The following ACAD11 variants were observed in gnomAD, a reference collection of about 807,000 sequenced individuals.
ACAD11 encodes acyl-CoA dehydrogenase family member 11, also known as acyl-Coenzyme A dehydrogenase family, member 11.
A neutral mutation model predicts 102.2 loss-of-function variants in ACAD11; 83 were observed. That is an observed-to-expected ratio of 0.81 (90% CI 0.68 to 0.97). The LOEUF is 0.97. Ranked by LOEUF, ACAD11 falls within the 50% of genes least tolerant of loss-of-function variation. The pLI is 0.00. For synonymous variants in ACAD11, 324 were observed against 319.8 expected, an observed-to-expected ratio of 1.01 and a Z score of -0.14; for missense variants, 901 against 951.7, an observed-to-expected ratio of 0.95 and a Z score of 0.70.
intron 16 of ACAD11, among the ~76,000 whole-genome samples, chr3:132,576,714 G>C (rs777058919): frequency 2.0e-5 from 3 of 152,066 alleles, no homozygotes; most frequent in Non-Finnish European, 4.4e-5. Context: ...GAGTAAACAA[G>C]AAGGGAAAGT....
chr3:132,642,234 G>T, intron 3 of ACAD11, 101 bp from the exon 4 acceptor site: 1 of 1,124,442 alleles, frequency 8.9e-7, no homozygotes, highest in Non-Finnish European at 1.3e-6. Flanking sequence ...TAATATTAGA[G>T]TATACATGCC....
chr3:132,577,377 A>G (rs1334711756), intron 15 of ACAD11, among the ~76,000 whole-genome samples: 5 of 152,184 alleles, frequency 3.3e-5, no homozygotes, highest in Non-Finnish European at 5.9e-5. Context: ...AACAATTTGC[A>G]TGGAAAAAAG....
intron 1 of ACAD11, among the ~76,000 whole-genome samples, chr3:132,651,532 A>G (rs1189058628): frequency 1.1e-4 from 16 of 152,182 alleles, no homozygotes; most frequent in Admixed American, 1.0e-3. Context: ...CCTAGTTTCT[A>G]AACATTTCTA....
intron 4 of ACAD11, 80 bp from the exon 5 acceptor site, chr3:132,639,736 T>G: frequency 7.3e-7 from 1 of 1,365,862 alleles, no homozygotes; most frequent in Non-Finnish European, 1.0e-6. Context: ...AAAACAAAAT[T>G]CAAATGCTGT....
chr3:132,616,765 T>A (rs185574167), intron 11 of ACAD11, among the ~76,000 whole-genome samples: 265 of 152,346 alleles, frequency 1.7e-3, no homozygotes, highest in African/African-American at 6.2e-3. Context: ...GTAATAGCCT[T>A]ACACAGTTGA....
At chr3:132,611,514 G>A (rs540928701) in intron 11 of ACAD11, among the ~76,000 whole-genome samples, 71 of 152,176 alleles carry the variant, frequency 4.7e-4, no homozygotes, top group South Asian at 2.5e-3. Context: ...CTGATAAGCC[G>A]CTTCAGCAAA....
At chr3:132,628,029 T>C (rs776428980) in intron 8 of ACAD11, among the ~76,000 whole-genome samples, 1 of 152,232 alleles carries the variant, frequency 6.6e-6, no homozygotes, top group South Asian at 2.1e-4. Flanking sequence ...TATAATGCAT[T>C]TTTAAAATTA....
In ACAD11 at chr3:132,579,548, A is replaced by G; in HGVS notation, c.1632T>C (p.Asn544=). The G allele has an allele frequency of 6.2e-7, 1 of 1,612,994 alleles. No homozygotes were observed. Among genetic ancestry groups the G allele is most frequent in the Non-Finnish European group, 8.5e-7 (1 of 1,179,262 alleles). The change falls in exon 14 of 20, where the codon AAT becomes AAC. Residue 544 remains asparagine, a synonymous_variant. Coordinates refer to ENST00000264990, the MANE Select transcript of ACAD11 (RefSeq NM_032169.5). The part of the protein sequence containing the change: ...GKKWWSSGAG[N]PKCKIAIVLG... ...AAACAATTGCAATTTTGCACTTGGG[A>G]TTCCCAGCTCCTAAAACCAAGGGGA... is the stretch of plus-strand genomic sequence containing the variant.
rs1940723140 is a variant in ACAD11, at chr3:132,646,497, C to T, written c.150-1601G>A. 3 of 152,174 alleles carry T rather than the reference C, an allele frequency of 2.0e-5. No homozygotes were observed. In the South Asian group the frequency reaches 6.2e-4, roughly 31 times the overall value. The allele number at this position is 152,174 out of a possible 1,614,324, so 9.4% of individuals were successfully genotyped here. On this transcript the variant is annotated intron_variant, in intron 1 of 19. Transcript: ENST00000264990. ...CTCTAGTCTTATATAAAGCACTGGT[C>T]TTTCATGATAGTAAATGACCCAAAT... is the stretch of plus-strand genomic sequence containing the variant.
chr3:132,584,203 T>C (rs995278070), intron 13 of ACAD11, among the ~76,000 whole-genome samples: 1 of 152,204 alleles, frequency 6.6e-6, no homozygotes, highest in Non-Finnish European at 1.5e-5. Context: ...TAAGTCTCTT[T>C]GTAGGTCTCT....
In ACAD11 at chr3:132,619,390, A is replaced by G. The variant is rs919951194; in HGVS notation, c.1275+78T>C. 2.5e-5 allele frequency: 23 copies of G among 910,692 alleles called. 1 individual carries two copies. In the Middle Eastern group the frequency reaches 9.0e-4, roughly 36 times the overall value. The allele number at this position is 910,692 out of a possible 1,614,324, so 56.4% of individuals were successfully genotyped here. ...ATAATTTTCTTCTACATATATAACA[A>G]TAGCAACAACAAAACTAAGGTCTAG... On this transcript the variant is annotated intron_variant, in intron 10 of 19. Coordinates refer to ENST00000264990, the MANE Select transcript of ACAD11 (RefSeq NM_032169.5).
intron 17 of ACAD11, among the ~76,000 whole-genome samples, chr3:132,564,161 GATT>G (rs1490669077): frequency 1.3e-5 from 2 of 152,102 alleles, no homozygotes; most frequent in African/African-American, 4.8e-5. Context: ...TATGCTGTAT[GATT>G]ATTTTTACAT....
intron 4 of ACAD11, among the ~76,000 whole-genome samples, chr3:132,641,243 T>C (rs1042216033): frequency 1.3e-5 from 2 of 151,952 alleles, no homozygotes; most frequent in African/African-American, 4.8e-5. Context: ...CTAGTCCAAT[T>C]GAGAAAGAAA....
chr3:132,643,136 C>T (rs973547920), intron 2 of ACAD11, among the ~76,000 whole-genome samples: 1 of 152,190 alleles, frequency 6.6e-6, no homozygotes, highest in African/African-American at 2.4e-5. Context: ...TTTTCCACAG[C>T]AGTTCCCTGG....
At position 132,605,225 on chromosome 3, in the gene ACAD11, A is replaced by T. The variant is rs1230235098; in HGVS notation, c.1415-20T>A. ...CTGTGTCTACACATAAAGAAGGAGT[A>T]TTTGTTTTGCATTTGAAAATTTATC... On this transcript the variant is annotated intron_variant, in intron 11 of 19. Transcript: ENST00000264990. 1 of 1,573,544 alleles carries T rather than the reference A, an allele frequency of 6.4e-7. No individual in the cohort carries two copies.
intron 4 of ACAD11, among the ~76,000 whole-genome samples, chr3:132,641,394 A>T (rs1018122211): frequency 1.3e-5 from 2 of 152,068 alleles, no homozygotes; most frequent in African/African-American, 4.8e-5. Flanking sequence ...ATACAAAAAA[A>T]TTAGCAGGGC....
At chr3:132,649,666 T>C (rs1940858505) in intron 1 of ACAD11, 1 of 152,242 alleles carries the variant, frequency 6.6e-6, no homozygotes, top group Non-Finnish European at 1.5e-5. Flanking sequence ...CTCCGTATGC[T>C]GAGCGCCGGT....
chr3:132,652,303 G>A (rs374703641), intron 1 of ACAD11, among the ~76,000 whole-genome samples: 11 of 151,996 alleles, frequency 7.2e-5, no homozygotes, highest in African/African-American at 2.4e-4. Context: ...CTTTTCCTTT[G>A]TCTTCTGCCA....
rs768857711 is a variant in ACAD11, at chr3:132,626,749, T to A, written c.1139A>T (p.Gln380Leu). ...GQLFVQTRKG[Q>L]EVLIKVKHFM... ...ATGCTTCACCTTAATAAGAACTTCC[T>A]GACCTTTCCGAGTCTGTACAAACAA... Residue 380 changes from glutamine to leucine, a missense_variant, in exon 9 of 20, where the codon CAG becomes CTG. By Grantham distance (113) the Gln-to-Leu change is moderately radical. Transcript: ENST00000264990. 8 of 1,613,780 alleles carry A rather than the reference T, an allele frequency of 5.0e-6. No individual in the cohort carries two copies. The Admixed American group carries it at 1.2e-4, about 24-fold the overall frequency.
Sources: gnomAD v4.1 joint callset for allele counts (sites outside exome capture counted in the v4.1 genomes callset) on GRCh38, gnomAD v4.1.1 for gene constraint, MANE v1.5 for transcripts, NCBI Gene and HGNC (gene_info 2026-07-23, HGNC 2026-07-21) for gene names.